The following TECPR2 variants were observed in gnomAD, a reference collection of about 807,000 sequenced individuals.
TECPR2 encodes tectonin beta-propeller repeat containing 2.
A neutral mutation model predicts 138.1 loss-of-function variants in TECPR2; 65 were observed. That is an observed-to-expected ratio of 0.47 (90% CI 0.39 to 0.58). The LOEUF is 0.58. Ranked by LOEUF, TECPR2 falls within the 20% of genes least tolerant of loss-of-function variation. The pLI is 0.00. For synonymous variants in TECPR2, 746 were observed against 749.8 expected (o/e 0.99, Z 0.08); for missense variants, 1,553 against 1,824.5 (o/e 0.85, Z 2.71).
intron 17 of TECPR2, among the ~76,000 whole-genome samples, chr14:102,480,852 T>G (rs1377198587): frequency 1.6e-5 from 2 of 127,664 alleles, no homozygotes; most frequent in South Asian, 2.7e-4. Flanking sequence ...TTTTTTTTTT[T>G]TTTTTTTTTT....
chr14:102,488,064 G>A (rs979193371), intron 17 of TECPR2, among the ~76,000 whole-genome samples: 15 of 144,986 alleles, frequency 1.0e-4, no homozygotes, highest in South Asian at 4.4e-4. Context: ...GGCTTGTCTT[G>A]AACTCCGGAC....
At chr14:102,430,634 A>G (rs896982991) in intron 7 of TECPR2, among the ~76,000 whole-genome samples, 3 of 152,194 alleles carry the variant, frequency 2.0e-5, no homozygotes, top group African/African-American at 7.2e-5. Flanking sequence ...TGTAGCTGGA[A>G]CTGCTCTGGC....
intron 17 of TECPR2, among the ~76,000 whole-genome samples, chr14:102,481,478 T>C (rs1890892903): frequency 6.6e-6 from 1 of 152,142 alleles, no homozygotes; most frequent in South Asian, 2.1e-4. Context: ...AAGTCATACA[T>C]GAAATGCCAA....
At position 102,434,280 on chromosome 14, in the gene TECPR2, C is replaced by A; in HGVS notation, c.1463C>A (p.Pro488His). The A allele has an allele frequency of 1.4e-6, 2 of 1,387,708 alleles. No individual in the cohort carries two copies. The highest frequency in any genetic ancestry group is 1.9e-6 in the Non-Finnish European group (2 of 1,064,496). The allele number at this position is 1,387,708 out of a possible 1,614,324, so 86.0% of individuals were successfully genotyped here. Residue 488 changes from proline to histidine, a missense_variant, in exon 9 of 20, where the codon CCC becomes CAC. Physicochemically the swap from Pro to His is moderately conservative, Grantham distance 77 (BLOSUM62 -2). Transcript: ENST00000359520. Reference protein sequence around the residue: ...STCHSSLESTPCSEFPGDSPQ... With the variant: ...STCHSSLESTHCSEFPGDSPQ... The stretch of plus-strand genomic sequence containing the variant: ...TGTCACAGCTCCCTGGAATCGACAC[C>A]CTGCTCCGAATTTCCTGGGGACAGT...
chr14:102,481,223 C>T (rs1413618620), intron 17 of TECPR2, among the ~76,000 whole-genome samples: 1 of 151,088 alleles, frequency 6.6e-6, no homozygotes, highest in African/African-American at 2.4e-5. Context: ...AGGCTGGTCT[C>T]AAACTCCTGA....
chr14:102,496,302 G>A (rs1462579463), intron 17 of TECPR2, among the ~76,000 whole-genome samples: 4 of 152,156 alleles, frequency 2.6e-5, no homozygotes, highest in Non-Finnish European at 4.4e-5. Flanking sequence ...CTGTGCTCGC[G>A]GGCATGGAGG....
chr14:102,401,451 A>C (rs193108317), intron 2 of TECPR2, among the ~76,000 whole-genome samples: 47 of 151,262 alleles, frequency 3.1e-4, no homozygotes, highest in East Asian at 5.8e-4. Context: ...AAAAAAAAAA[A>C]AAAAACAAAA....
intron 17 of TECPR2, among the ~76,000 whole-genome samples, chr14:102,468,528 T>C (rs1197650237): frequency 1.3e-5 from 2 of 152,232 alleles, no homozygotes; most frequent in East Asian, 3.8e-4. Context: ...TTCTGGGTAC[T>C]AGACCTTTAT....
chr14:102,435,105 C>T lies in TECPR2; in HGVS notation c.2288C>T (p.Pro763Leu). ...DEEDIYAHGL[P>L]SSSSETSVTE... ...GAGGACATCTATGCCCACGGGCTTC[C>T]TTCTTCATCCTCAGAGACGAGTGTG... The change falls in exon 9 of 20, where the codon CCT (proline) becomes CTT (leucine). Residue 763 changes from proline (P) to leucine (L), a missense_variant. By Grantham distance (98) the Pro-to-Leu change is moderately conservative. Transcript: ENST00000359520. 1.2e-6 allele frequency: 2 copies of T among 1,613,744 alleles called. No individual in the cohort carries two copies. Among genetic ancestry groups the T allele is most frequent in the Non-Finnish European group, 1.7e-6 (2 of 1,180,026 alleles).
rs1337949902 is a variant in TECPR2, at chr14:102,419,820, C to T, written c.638+5027C>T. 6.6e-6 allele frequency among the ~76,000 whole-genome samples: 1 copy of T among 152,128 alleles called. No individual in the cohort carries two copies. Among genetic ancestry groups the T allele is most frequent in the East Asian group, 1.9e-4 (1 of 5,190 alleles). ...CCTCTGCAGACCTGTTACTGTGTCCCCTGTGAGTCTAGTACTCAGGGAAGC... is the reference window on the plus strand; with the variant it reads ...CCTCTGCAGACCTGTTACTGTGTCCTCTGTGAGTCTAGTACTCAGGGAAGC... On this transcript the variant is annotated intron_variant, in intron 5 of 19. Transcript: ENST00000359520. The surrounding 1 kb of genome is among the most constrained non-coding windows in gnomAD (Gnocchi z 4.8).
rs146498733 is a variant in TECPR2, at chr14:102,495,951, C to T, written c.3790-1028C>T. Among the ~76,000 whole-genome samples, 1,043 of 152,322 alleles carry T rather than the reference C, an allele frequency of 6.8e-3. 14 individuals are homozygous for T. The highest frequency in any genetic ancestry group is 0.024 in the African/African-American group (996 of 41,578). Reference sequence around the variant, plus strand: ...TGAGGGCCCTGAGAGTGTCTGGCCCCGGCAAGTGTGTGACACGGGCACTAT... The same window carrying T: ...TGAGGGCCCTGAGAGTGTCTGGCCCTGGCAAGTGTGTGACACGGGCACTAT... On this transcript the variant is annotated intron_variant, in intron 17 of 19. Coordinates refer to ENST00000359520, the MANE Select transcript of TECPR2 (RefSeq NM_014844.5).
intron 2 of TECPR2, among the ~76,000 whole-genome samples, chr14:102,387,903 A>G (rs1000608393): frequency 5.9e-5 from 9 of 152,216 alleles, no homozygotes. Flanking sequence ...CGTAAAGAGC[A>G]TGACCAACAC....
chr14:102,477,093 G>A (rs1373985916), intron 17 of TECPR2, among the ~76,000 whole-genome samples: 1 of 152,096 alleles, frequency 6.6e-6, no homozygotes, highest in African/African-American at 2.4e-5. Context: ...ACACAGGCCA[G>A]GTGCTGTGGC....
intron 2 of TECPR2, among the ~76,000 whole-genome samples, chr14:102,406,124 A>G (rs560663923): frequency 2.0e-5 from 3 of 152,332 alleles, no homozygotes; most frequent in South Asian, 2.1e-4. Context: ...GTTTTACAAG[A>G]TTAAATATTC....
rs191706362 is a variant in TECPR2, at chr14:102,470,449, A to G, written c.3789+5160A>G. 5.8e-4 allele frequency among the ~76,000 whole-genome samples: 88 copies of G among 151,902 alleles called. 1 individual carries two copies. The highest frequency in any genetic ancestry group is 2.0e-4 in the Admixed American group (3 of 15,246). On this transcript the variant is annotated intron_variant, in intron 17 of 19. Transcript: ENST00000359520. Reference sequence around the variant, plus strand: ...TGGCCTCCCTAGTAGCTGGGACTACAGGCATGTACCACCACACGCAGCTAA... The same window carrying G: ...TGGCCTCCCTAGTAGCTGGGACTACGGGCATGTACCACCACACGCAGCTAA...
intron 16 of TECPR2, among the ~76,000 whole-genome samples, chr14:102,462,953 C>A (rs1027997292): frequency 3.3e-5 from 5 of 152,142 alleles, no homozygotes; most frequent in Non-Finnish European, 4.4e-5. Context: ...TTAAAAGATT[C>A]CCAGCATCAT....
chr14:102,450,436 A>G, intron 14 of TECPR2, 124 bp from the exon 15 acceptor site: 1 of 880,082 alleles, frequency 1.1e-6, no homozygotes, highest in Non-Finnish European at 1.8e-6. Context: ...CGCTTTATTT[A>G]GGGACACTCT....
At chr14:102,393,039 T>TTC (rs753117401) in intron 2 of TECPR2, among the ~76,000 whole-genome samples, 3 of 152,210 alleles carry the variant, frequency 2.0e-5, no homozygotes, top group Non-Finnish European at 4.4e-5. Flanking sequence ...GTCCTTGGGA[T>TTC]TCTGGCTTGG....
At position 102,438,863 on chromosome 14, in the gene TECPR2, C is replaced by CT. The variant is rs1238082552; in HGVS notation, c.2578+674dup. 6.6e-3 allele frequency among the ~76,000 whole-genome samples: 853 copies of CT among 128,626 alleles called. 10 individuals carry two copies. The highest frequency in any genetic ancestry group is 0.025 in the East Asian group (112 of 4,560). The allele number at this position is 128,626 out of a possible 152,430, so 84.4% of individuals were successfully genotyped here. ...TTGCTTGCTTTTTCTTTCTTTCTTT[C>CT]TTTTTTTTTTTTTTTTGAGACAGAG... On this transcript the variant is annotated intron_variant, in intron 10 of 19. Transcript: ENST00000359520.
Sources: gnomAD v4.1 joint callset for allele counts (sites outside exome capture counted in the v4.1 genomes callset) on GRCh38, gnomAD v4.1.1 for gene constraint, Gnocchi (gnomAD v3.1) non-coding constraint, MANE v1.5 for transcripts, NCBI Gene and HGNC (gene_info 2026-07-23, HGNC 2026-07-21) for gene names.